TSC22D1: variants seen among roughly 807,000 people sequenced by gnomAD.
TSC22D1 encodes TSC22 domain family member 1.
Under a neutral mutation model 74.2 loss-of-function variants are expected in TSC22D1, and 9 were observed. That is an observed-to-expected ratio of 0.12 (90% CI 0.07 to 0.21). The LOEUF (loss-of-function observed/expected upper bound fraction) is 0.21, where lower values mean the gene tolerates loss of function less well. TSC22D1 is among the 10% of genes least tolerant of loss of function. TSC22D1 has a pLI of 1.00. For missense variants in TSC22D1, 1,427 were observed against 1,304.7 expected, an observed-to-expected ratio of 1.09 and a Z score of -1.44; for synonymous variants, 586 against 492.5, an observed-to-expected ratio of 1.19 and a Z score of -2.51.
At chr13:44,570,929 T>G (rs1026175524) in intron 1 of TSC22D1, among the ~76,000 whole-genome samples, 32 of 152,230 alleles carry the variant, frequency 2.1e-4, no homozygotes, top group African/African-American at 6.0e-4. Flanking sequence ...TTCCAAACTG[T>G]AGTGATAAAT....
intron 1 of TSC22D1, among the ~76,000 whole-genome samples, chr13:44,511,651 C>T (rs1340021881): frequency 6.7e-6 from 1 of 149,440 alleles, no homozygotes; most frequent in Non-Finnish European, 1.5e-5. Flanking sequence ...CACACACACA[C>T]TTTTTTGTTG....
intron 1 of TSC22D1, among the ~76,000 whole-genome samples, chr13:44,444,096 T>C (rs956021510): frequency 1.3e-5 from 2 of 151,576 alleles, no homozygotes; most frequent in Non-Finnish European, 2.9e-5. Flanking sequence ...CTGGCCAATA[T>C]GGTAAAAACC....
At position 44,573,419 on chromosome 13, in the gene TSC22D1, A is replaced by C. The variant is rs1883918875; in HGVS notation, c.2656T>G (p.Leu886Val). 1.2e-6 allele frequency: 2 copies of C among 1,614,130 alleles called. No homozygotes were observed. Among genetic ancestry groups the C allele is most frequent in the African/African-American group, 1.3e-5 (1 of 74,942 alleles). The change falls in exon 1 of 3, where the codon TTG becomes GTG. Residue 886 changes from leucine (L) to valine (V), a missense_variant. Leu to Val is a conservative substitution (Grantham distance 32). This residue lies in a region of TSC22D1 where 1,343 missense variants were observed against 1,191.5 expected (regional missense o/e 1.13). Transcript: ENST00000458659. ...GAACTTAGTGGTATCTGTTGTGCCA[A>C]AGGCAAATTTGTATTAGTTGCTATC... ...PLIATNTNLP[L>V]AQQIPLSSTQ...
intron 1 of TSC22D1, among the ~76,000 whole-genome samples, chr13:44,524,906 T>C (rs190841559): frequency 1.2e-3 from 189 of 152,268 alleles, no homozygotes; most frequent in Non-Finnish European, 2.3e-3. Flanking sequence ...AAAAAATCCC[T>C]GTGCTTCTGG....
intron 1 of TSC22D1, among the ~76,000 whole-genome samples, chr13:44,458,549 C>A (rs1165952573): frequency 6.6e-6 from 1 of 152,102 alleles, no homozygotes; most frequent in Non-Finnish European, 1.5e-5. Flanking sequence ...CCACCCCCTA[C>A]CAAGTTAGCA....
chr13:44,548,690 G>A (rs1285104967), intron 1 of TSC22D1, among the ~76,000 whole-genome samples: 2 of 151,990 alleles, frequency 1.3e-5, no homozygotes, highest in Non-Finnish European at 2.9e-5. Flanking sequence ...AGATAATCTA[G>A]GAAAAGATGT....
At chr13:44,483,302 A>G (rs1878268797) in intron 1 of TSC22D1, among the ~76,000 whole-genome samples, 1 of 152,156 alleles carries the variant, frequency 6.6e-6, no homozygotes, top group East Asian at 1.9e-4. Context: ...TAGCACAATC[A>G]GCTAGCTTTA....
chr13:44,494,636 G>A (rs1244273143), intron 1 of TSC22D1, among the ~76,000 whole-genome samples: 3 of 152,028 alleles, frequency 2.0e-5, no homozygotes, highest in African/African-American at 4.8e-5. Context: ...CTGAGGATCT[G>A]AGGAAGGGGA....
intron 1 of TSC22D1, among the ~76,000 whole-genome samples, chr13:44,511,957 G>GT (rs1879744641): frequency 6.6e-6 from 1 of 152,096 alleles, no homozygotes; most frequent in Non-Finnish European, 1.5e-5. Flanking sequence ...CCCAAAAGTT[G>GT]TACCTTCAAC....
intron 1 of TSC22D1, among the ~76,000 whole-genome samples, chr13:44,473,846 C>A (rs1877746319): frequency 6.6e-6 from 1 of 152,178 alleles, no homozygotes; most frequent in Admixed American, 6.5e-5. Flanking sequence ...CAATATAATA[C>A]TCAATCTTTT....
Position 44,576,087 on chromosome 13 carries a change from C to T in TSC22D1, c.-13G>A, listed in dbSNP as rs1184550624. ...GCGGCTGGTGCATTGTGTTGGGTAC[C>T]GGGGGCGCGGAGGAGACGAGTGCAA... On this transcript the variant is annotated 5_prime_UTR_variant, in exon 1 of 3. Coordinates refer to ENST00000458659, the MANE Select transcript of TSC22D1 (RefSeq NM_183422.4). The T allele has an allele frequency of 1.3e-6, 2 of 1,518,204 alleles. No homozygotes were observed. The highest frequency in any genetic ancestry group is 1.2e-5 in the South Asian group (1 of 80,356). 94.0% of individuals were successfully genotyped at this position (1,518,204 alleles called of 1,614,324 possible).
chr13:44,571,075 C>T (rs1311806402), intron 1 of TSC22D1, among the ~76,000 whole-genome samples: 1 of 152,174 alleles, frequency 6.6e-6, no homozygotes, highest in Non-Finnish European at 1.5e-5. Context: ...AATCACGAAA[C>T]TTTGATGTTA....
intron 1 of TSC22D1, among the ~76,000 whole-genome samples, chr13:44,502,558 A>G (rs963783969): frequency 1.2e-4 from 18 of 152,230 alleles, no homozygotes; most frequent in African/African-American, 4.3e-4. Context: ...TCATTCATAC[A>G]ACAAATGCTT....
In TSC22D1 at chr13:44,573,557, C is replaced by CAGTTGAACT. The variant is rs1208239798; in HGVS notation, c.2509_2517dup (p.Ser837_Thr839dup). 3 of 1,614,080 alleles carry CAGTTGAACT rather than the reference C, an allele frequency of 1.9e-6. No homozygotes were observed. In the African/African-American group the frequency reaches 4.0e-5, roughly 22 times the overall value. On this transcript the variant is annotated inframe_insertion, in exon 1 of 3. Coordinates refer to ENST00000458659, the MANE Select transcript of TSC22D1 (RefSeq NM_183422.4). ...GGGGCAGAAGGCATTCCAGAAGGAC[C>CAGTTGAACT]AGTTGAACTAACCTGACTTGTAACA...
intron 1 of TSC22D1, chr13:44,539,523 C>T: frequency 1.0e-6 from 1 of 985,378 alleles, no homozygotes; most frequent in East Asian, 1.1e-4. Context: ...TTCCTGTGGA[C>T]TACATAGGCA....
In TSC22D1 at chr13:44,434,567, A is replaced by C; in HGVS notation, c.*59T>G. ...ACTGTGGAGGCAGATTCTCCCTAGC[A>C]CATCTTCTCCGTCTGTTCAGTTCAC... is the stretch of plus-strand genomic sequence containing the variant. On this transcript the variant is annotated 3_prime_UTR_variant, in exon 3 of 3. Coordinates refer to ENST00000458659, the MANE Select transcript of TSC22D1 (RefSeq NM_183422.4). 1 of 1,491,580 alleles carries C rather than the reference A, an allele frequency of 6.7e-7. No homozygotes were observed. The highest frequency in any genetic ancestry group is 8.9e-7 in the Non-Finnish European group (1 of 1,123,546). The allele number at this position is 1,491,580 out of a possible 1,614,324, so 92.4% of individuals were successfully genotyped here.
At chr13:44,447,724 A>G (rs1875796864) in intron 1 of TSC22D1, among the ~76,000 whole-genome samples, 1 of 151,954 alleles carries the variant, frequency 6.6e-6, no homozygotes, top group Admixed American at 6.6e-5. Flanking sequence ...TTAAATTGTT[A>G]CAATTCTAGA....
chr13:44,549,556 T>C (rs1882067602), intron 1 of TSC22D1, among the ~76,000 whole-genome samples: 1 of 151,980 alleles, frequency 6.6e-6, no homozygotes, highest in African/African-American at 2.4e-5. Flanking sequence ...GAGGATCTCT[T>C]GAGCTCAGGA....
At chr13:44,537,643 C>T in intron 1 of TSC22D1, 3 of 984,530 alleles carry the variant, frequency 3.0e-6, no homozygotes, top group Non-Finnish European at 3.6e-6. Flanking sequence ...GTCTTATTAA[C>T]ATTTACTAAA....
Sources: allele counts gnomAD v4.1 joint callset (sites outside exome capture counted in the v4.1 genomes callset), GRCh38; gene constraint gnomAD v4.1.1; regional missense constraint gnomAD v4.1.1; transcripts MANE v1.5; gene names NCBI Gene and HGNC (gene_info 2026-07-23, HGNC 2026-07-21).